The following SIPA1L3 variants were observed in gnomAD, a reference collection of about 807,000 sequenced individuals.
The protein encoded by SIPA1L3 is signal-induced proliferation-associated 1-like protein 3.
Under a neutral mutation model 150.1 loss-of-function variants are expected in SIPA1L3, and 59 were observed. The ratio of observed to expected loss-of-function variants is 0.39; its 90% CI spans 0.32 to 0.49. The LOEUF is 0.49. SIPA1L3 is among the 20% of genes least tolerant of loss of function. The pLI is 0.86. For missense variants in SIPA1L3, 2,211 were observed against 2,489.5 expected (o/e 0.89, Z 2.38); for synonymous variants, 1,070 against 1,077.6 (o/e 0.99, Z 0.14).
intron 15 of SIPA1L3, among the ~76,000 whole-genome samples, chr19:38,171,668 C>T (rs1205107430): frequency 6.6e-6 from 1 of 152,056 alleles, no homozygotes; most frequent in Non-Finnish European, 1.5e-5. Flanking sequence ...GCTGAGATTA[C>T]AGGCATGAGC....
chr19:38,174,711 G>A (rs538351342), intron 15 of SIPA1L3, among the ~76,000 whole-genome samples: 23 of 152,178 alleles, frequency 1.5e-4, no homozygotes, highest in African/African-American at 4.8e-4. Context: ...TTAGCCAGGT[G>A]TGGTGGCGGG....
intron 1 of SIPA1L3, among the ~76,000 whole-genome samples, chr19:37,999,611 G>A (rs973240097): frequency 2.0e-5 from 3 of 152,180 alleles, no homozygotes; most frequent in Non-Finnish European, 4.4e-5. Flanking sequence ...CCGGGCGGGC[G>A]ATCCACCCAG....
intron 2 of SIPA1L3, among the ~76,000 whole-genome samples, chr19:38,042,148 G>A (rs767566922): frequency 7.9e-5 from 12 of 152,110 alleles, no homozygotes; most frequent in African/African-American, 1.7e-4. Flanking sequence ...GGAGCTTTCC[G>A]CCATGTTCTT....
intron 9 of SIPA1L3, among the ~76,000 whole-genome samples, chr19:38,123,252 A>AG (rs1486090626): frequency 6.7e-4 from 99 of 146,854 alleles, no homozygotes; most frequent in Admixed American, 1.3e-3. Context: ...TGGGTTTTGG[A>AG]GTTTTTTTTT....
chr19:38,125,232 C>T (rs1322537715), intron 9 of SIPA1L3, among the ~76,000 whole-genome samples: 3 of 152,140 alleles, frequency 2.0e-5, no homozygotes, highest in East Asian at 1.9e-4. Flanking sequence ...GATAGGGTTT[C>T]GCCATGTTGG....
chr19:38,008,420 G>A (rs866827986), intron 1 of SIPA1L3, among the ~76,000 whole-genome samples: 23 of 151,258 alleles, frequency 1.5e-4, no homozygotes, highest in East Asian at 3.9e-4. Context: ...GTAGAGACAC[G>A]GTTTCACCAT....
At chr19:38,196,181 GC>G (rs1972926467) in intron 18 of SIPA1L3, among the ~76,000 whole-genome samples, 1 of 152,160 alleles carries the variant, frequency 6.6e-6, no homozygotes, top group African/African-American at 2.4e-5. Context: ...CTAACCAAGT[GC>G]CCTCCACACC....
intron 15 of SIPA1L3, among the ~76,000 whole-genome samples, chr19:38,166,529 C>T (rs1046068496): frequency 9.2e-5 from 14 of 152,028 alleles, no homozygotes; most frequent in African/African-American, 3.4e-4. Flanking sequence ...ACCACACACA[C>T]TGACGTTCGG....
At chr19:37,994,847 C>A (rs1967593681) in intron 1 of SIPA1L3, among the ~76,000 whole-genome samples, 1 of 152,218 alleles carries the variant, frequency 6.6e-6, no homozygotes, top group African/African-American at 2.4e-5. Flanking sequence ...CCTGGCTGAG[C>A]AGTAGAGACG....
At chr19:37,971,903 A>G (rs1053600233) in intron 1 of SIPA1L3, among the ~76,000 whole-genome samples, 1 of 152,182 alleles carries the variant, frequency 6.6e-6, no homozygotes, top group African/African-American at 2.4e-5. Context: ...CATGTTGTGC[A>G]TGAATCAGTA....
At chr19:37,923,124 G>A (rs1315706065) in intron 1 of SIPA1L3, among the ~76,000 whole-genome samples, 1 of 150,256 alleles carries the variant, frequency 6.7e-6, no homozygotes, top group Non-Finnish European at 1.5e-5. Context: ...GCGACAGAGC[G>A]AGACTCCATC....
intron 1 of SIPA1L3, among the ~76,000 whole-genome samples, chr19:37,986,097 G>T (rs1446003313): frequency 1.3e-5 from 2 of 152,204 alleles, no homozygotes; most frequent in Admixed American, 1.3e-4. Flanking sequence ...GGCTGTGGGG[G>T]AATTAACCAT....
intron 1 of SIPA1L3, among the ~76,000 whole-genome samples, chr19:37,959,649 C>A (rs928962744): frequency 6.6e-6 from 1 of 152,084 alleles, no homozygotes; most frequent in Non-Finnish European, 1.5e-5. Context: ...CATTCATTGA[C>A]GTTTGATGTG....
At chr19:38,086,749 G>A (rs542326595) in intron 3 of SIPA1L3, among the ~76,000 whole-genome samples, 2 of 152,326 alleles carry the variant, frequency 1.3e-5, no homozygotes, top group East Asian at 3.9e-4. Context: ...AACCATCACA[G>A]CAGGCATAGG....
chr19:38,174,961 C>T (rs1972406414), intron 15 of SIPA1L3, among the ~76,000 whole-genome samples: 1 of 152,172 alleles, frequency 6.6e-6, no homozygotes, highest in Admixed American at 6.5e-5. Context: ...GTGTTTTATT[C>T]TCATGTATTA....
intron 1 of SIPA1L3, among the ~76,000 whole-genome samples, chr19:37,987,507 C>T (rs1340331179): frequency 6.6e-6 from 1 of 152,204 alleles, no homozygotes; most frequent in Admixed American, 6.5e-5. Context: ...ATGGGCTGTT[C>T]AGCAGCATCC....
intron 2 of SIPA1L3, among the ~76,000 whole-genome samples, chr19:38,042,768 T>C (rs1455523331): frequency 1.3e-5 from 2 of 152,332 alleles, no homozygotes; most frequent in East Asian, 1.9e-4. Flanking sequence ...AGCTCAGTAG[T>C]GTTTGACCTT....
At chr19:37,925,744 C>T (rs934160752) in intron 1 of SIPA1L3, among the ~76,000 whole-genome samples, 2 of 151,958 alleles carry the variant, frequency 1.3e-5, no homozygotes, top group Admixed American at 6.6e-5. Flanking sequence ...CAGGCACGCA[C>T]CACCATGCCC....
intron 15 of SIPA1L3, among the ~76,000 whole-genome samples, chr19:38,170,815 G>A (rs1167219289): frequency 1.3e-5 from 2 of 152,050 alleles, no homozygotes; most frequent in Non-Finnish European, 2.9e-5. Context: ...CCTGAACGAG[G>A]GTCACATCTG....
Sources: gnomAD v4.1 joint callset for allele counts (sites outside exome capture counted in the v4.1 genomes callset) on GRCh38, gnomAD v4.1.1 for gene constraint, MANE v1.5 for transcripts, NCBI Gene and HGNC (gene_info 2026-07-23, HGNC 2026-07-21) for gene names.